The following PTPRT variants were observed in gnomAD, a reference collection of about 807,000 sequenced individuals.
The protein encoded by PTPRT is protein tyrosine phosphatase receptor type T.
In PTPRT, 56 loss-of-function variants were observed where a neutral mutation model predicts 176.8. The observed-to-expected ratio is 0.32, with a 90% CI of 0.26 to 0.40. The LOEUF (loss-of-function observed/expected upper bound fraction) is 0.40. Ranked by LOEUF, PTPRT falls within the 10% of genes least tolerant of loss-of-function variation. The pLI is 1.00. For missense variants in PTPRT, 1,540 were observed against 1,908.2 expected, an observed-to-expected ratio of 0.81 and a Z score of 3.60; for synonymous variants, 783 against 739.0, an observed-to-expected ratio of 1.06 and a Z score of -0.96.
At chr20:43,116,604 C>A (rs576984950) in intron 1 of PTPRT, among the ~76,000 whole-genome samples, 69 of 152,300 alleles carry the variant, frequency 4.5e-4, no homozygotes, top group African/African-American at 1.7e-3. Context: ...TATAAGAAAT[C>A]CTACCTGATG....
rs1440881174 is a variant in PTPRT at position 42,771,313 on chromosome 20, G to T, written c.684+122C>A. On this transcript the variant is annotated intron_variant, in intron 5 of 30. Transcript: ENST00000373187. ...GCAAGGGTGGGCTCCGGTGCTAGCT[G>T]TTGTCCCCCTCTGCATGTCTTTGTT... 5.8e-6 allele frequency: 5 copies of T among 858,330 alleles called. No individual in the cohort carries two copies. The East Asian group carries it at 9.7e-5, about 17-fold the overall frequency. The allele number at this position is 858,330 out of a possible 1,614,324, so 53.2% of individuals were successfully genotyped here.
intron 7 of PTPRT, among the ~76,000 whole-genome samples, chr20:42,601,568 G>A (rs1196879787): frequency 1.3e-5 from 2 of 152,092 alleles, no homozygotes; most frequent in Non-Finnish European, 2.9e-5. Flanking sequence ...CTCAGACTTG[G>A]TCTTTTTACA....
intron 7 of PTPRT, among the ~76,000 whole-genome samples, chr20:42,502,029 G>T (rs1168637329): frequency 6.6e-6 from 1 of 151,768 alleles, no homozygotes; most frequent in African/African-American, 2.4e-5. Context: ...AAAACAATTT[G>T]GGCTTAGCAT....
intron 1 of PTPRT, among the ~76,000 whole-genome samples, chr20:42,926,204 G>A (rs541322503): frequency 1.3e-5 from 2 of 152,210 alleles, no homozygotes; most frequent in South Asian, 4.1e-4. Flanking sequence ...GTCATTTCTG[G>A]TGGGCCCTCT....
intron 1 of PTPRT, among the ~76,000 whole-genome samples, chr20:43,175,075 T>A (rs2015093361): frequency 6.6e-6 from 1 of 152,262 alleles, no homozygotes; most frequent in South Asian, 2.1e-4. Flanking sequence ...AAATGTGCCT[T>A]TCTGACGCCT....
intron 7 of PTPRT, among the ~76,000 whole-genome samples, chr20:42,630,598 A>C (rs555201610): frequency 7.9e-5 from 12 of 152,290 alleles, no homozygotes; most frequent in Non-Finnish European, 2.9e-5. Flanking sequence ...TTGATTCAGA[A>C]GGTAAAGACA....
At chr20:42,233,624 AG>A (rs1351455810) in intron 15 of PTPRT, among the ~76,000 whole-genome samples, 2 of 152,146 alleles carry the variant, frequency 1.3e-5, no homozygotes, top group South Asian at 2.1e-4. Flanking sequence ...ATCTATCACA[AG>A]TGCTTGGTGG....
At chr20:42,169,063 G>A (rs1989960661) in intron 16 of PTPRT, among the ~76,000 whole-genome samples, 1 of 152,058 alleles carries the variant, frequency 6.6e-6, no homozygotes, top group African/African-American at 2.4e-5. Flanking sequence ...AAACCCAATG[G>A]CCTGAAGAAC....
intron 1 of PTPRT, among the ~76,000 whole-genome samples, chr20:43,118,127 G>A (rs1366602162): frequency 6.6e-6 from 1 of 152,226 alleles, no homozygotes; most frequent in African/African-American, 2.4e-5. Context: ...TCGCTGCAGT[G>A]TGAAAGCAGC....
intron 3 of PTPRT, among the ~76,000 whole-genome samples, chr20:42,784,740 C>T (rs987840153): frequency 9.8e-5 from 11 of 112,048 alleles, no homozygotes; most frequent in African/African-American, 2.4e-4. Flanking sequence ...ATAATAACTA[C>T]CAAATAAAAG....
At chr20:42,325,337 C>G (rs1237662494) in intron 11 of PTPRT, among the ~76,000 whole-genome samples, 1 of 152,026 alleles carries the variant, frequency 6.6e-6, no homozygotes, top group Admixed American at 6.6e-5. Context: ...TTATTTGGGC[C>G]CTTCTCCTAT....
At chr20:42,086,014 T>C (rs1983866105) in intron 27 of PTPRT, among the ~76,000 whole-genome samples, 161 bp from the exon 28 acceptor site, 1 of 152,060 alleles carries the variant, frequency 6.6e-6, no homozygotes, top group South Asian at 2.1e-4. Flanking sequence ...TTGGCACGAT[T>C]TTGGCTCACT....
intron 6 of PTPRT, among the ~76,000 whole-genome samples, chr20:42,733,110 G>C (rs1391826976): frequency 6.6e-6 from 1 of 152,096 alleles, no homozygotes; most frequent in Non-Finnish European, 1.5e-5. Context: ...CAATACGCTG[G>C]CACATGCTTG....
intron 1 of PTPRT, among the ~76,000 whole-genome samples, chr20:42,900,124 T>A (rs528557566): frequency 6.6e-6 from 1 of 152,168 alleles, no homozygotes; most frequent in Non-Finnish European, 1.5e-5. Context: ...AACAGGCAAA[T>A]TGCCCTGTAA....
intron 7 of PTPRT, among the ~76,000 whole-genome samples, chr20:42,621,522 C>A (rs1417803115): frequency 6.6e-6 from 1 of 152,210 alleles, no homozygotes; most frequent in Non-Finnish European, 1.5e-5. Context: ...CTCCATTGCC[C>A]TCTTAAGGGG....
chr20:42,731,423 A>G (rs1047307487), intron 6 of PTPRT, among the ~76,000 whole-genome samples: 10 of 152,172 alleles, frequency 6.6e-5, no homozygotes, highest in Admixed American at 5.9e-4. Flanking sequence ...AGATGGTAGT[A>G]TTTCTCTTTC....
chr20:42,962,312 C>G (rs1246199558), intron 1 of PTPRT, among the ~76,000 whole-genome samples: 1 of 152,170 alleles, frequency 6.6e-6, no homozygotes, highest in Non-Finnish European at 1.5e-5. Flanking sequence ...AGCACTGAAA[C>G]TTTAGCATAC....
At chr20:42,769,537 T>C (rs577315961) in intron 5 of PTPRT, among the ~76,000 whole-genome samples, 45 of 152,068 alleles carry the variant, frequency 3.0e-4, no homozygotes, top group Non-Finnish European at 6.0e-4. Flanking sequence ...TGTAAAATGG[T>C]ACAACCATTT....
intron 5 of PTPRT, among the ~76,000 whole-genome samples, chr20:42,768,220 A>T (rs1303916590): frequency 6.6e-6 from 1 of 152,162 alleles, no homozygotes; most frequent in Non-Finnish European, 1.5e-5. Context: ...TACTGAATCT[A>T]TTCACTTACC....
Sources: allele counts gnomAD v4.1 joint callset (sites outside exome capture counted in the v4.1 genomes callset), GRCh38; gene constraint gnomAD v4.1.1; transcripts MANE v1.5; gene names NCBI Gene and HGNC (gene_info 2026-07-23, HGNC 2026-07-21).